The following GLT8D2 variants were observed in gnomAD, a reference collection of about 807,000 sequenced individuals.
GLT8D2 encodes glycosyltransferase 8 domain containing 2.
Under a neutral mutation model 44.5 loss-of-function variants are expected in GLT8D2, and 45 were observed. That is an observed-to-expected ratio of 1.01 (90% confidence interval 0.80 to 1.30). GLT8D2 has a LOEUF of 1.30. GLT8D2 is among the 50% of genes most tolerant of loss of function. The probability of loss-of-function intolerance (pLI) is 0.00; values close to 1 mark genes in which losing one functional copy is unlikely to be tolerated. For synonymous variants in GLT8D2, 156 were observed against 157.2 expected, an observed-to-expected ratio of 0.99 and a Z score of 0.06; for missense variants, 400 against 430.4, an observed-to-expected ratio of 0.93 and a Z score of 0.62.
rs1566202395 is a variant in GLT8D2, at chr12:104,021,930, GAAGAAGAAGAAGAA to G, written c.-163-453_-163-440del. 6.3e-3 allele frequency among the ~76,000 whole-genome samples: 156 copies of G among 24,714 alleles called. 7 individuals carry two copies. Among genetic ancestry groups the G allele is most frequent in the East Asian group, 0.027 (15 of 548 alleles). 16.2% of individuals were successfully genotyped at this position (24,714 alleles called of 152,430 possible). On this transcript the variant is annotated intron_variant, in intron 1 of 10. Coordinates refer to ENST00000360814, the MANE Select transcript of GLT8D2 (RefSeq NM_001384711.1). ...AGAAGAAGAAGAAGAAGAAGAAGAAGAAGAAGAAGAAGAAGAAGAAGAAGAGGAAGAAGAGGAAG... is the reference window on the plus strand; with the variant it reads ...AGAAGAAGAAGAAGAAGAAGAAGAAGGAAGAAGAAGAGGAAGAAGAGGAAG...
At chr12:104,009,631 G>A (rs1875552421) in intron 4 of GLT8D2, among the ~76,000 whole-genome samples, 1 of 152,142 alleles carries the variant, frequency 6.6e-6, no homozygotes, top group East Asian at 1.9e-4. Context: ...GATTTGGAGG[G>A]ACCAGGGGCA....
At chr12:104,036,138 C>T (rs772550773) in intron 1 of GLT8D2, among the ~76,000 whole-genome samples, 16 of 152,168 alleles carry the variant, frequency 1.1e-4, no homozygotes, top group Non-Finnish European at 1.6e-4. Flanking sequence ...CCAGGCTTGC[C>T]TTACAAGAGC....
At chr12:104,053,155 T>C (rs942450576), upstream of GLT8D2, among the ~76,000 whole-genome samples, 3 of 152,230 alleles carry the variant, frequency 2.0e-5, no homozygotes, top group Non-Finnish European at 4.4e-5. Context: ...GACAGCAGCC[T>C]GAGCTGACAC....
chr12:103,994,613 T>C (rs1873184592), intron 8 of GLT8D2, 112 bp from the exon 9 acceptor site: 1 of 878,672 alleles, frequency 1.1e-6, no homozygotes, highest in Admixed American at 2.7e-5. Context: ...CCTGTGTCAC[T>C]GGCCACTGGG....
chr12:104,035,843 G>A (rs1199040932), intron 1 of GLT8D2, among the ~76,000 whole-genome samples: 4 of 152,080 alleles, frequency 2.6e-5, no homozygotes, highest in African/African-American at 9.7e-5. Flanking sequence ...TCCTCGAGAG[G>A]AGCAACCCCA....
intron 3 of GLT8D2, among the ~76,000 whole-genome samples, chr12:104,016,780 AAGG>A (rs1346571091): frequency 2.6e-4 from 29 of 112,776 alleles, no homozygotes; most frequent in East Asian, 1.3e-3. Context: ...AGAAAGAAGG[AAGG>A]AAGGAAGGAA....
At chr12:104,015,756 C>A (rs1218019464) in intron 3 of GLT8D2, among the ~76,000 whole-genome samples, 1 of 151,964 alleles carries the variant, frequency 6.6e-6, no homozygotes, top group Non-Finnish European at 1.5e-5. Flanking sequence ...AATCCCAGCA[C>A]TTTGGGAGGC....
chr12:104,026,923 A>T (rs1878652357), intron 1 of GLT8D2, among the ~76,000 whole-genome samples: 1 of 152,252 alleles, frequency 6.6e-6, no homozygotes, highest in Non-Finnish European at 1.5e-5. Flanking sequence ...CAAACCAGGA[A>T]TAATAACCTT....
chr12:103,995,929 C>T (rs542426021), intron 8 of GLT8D2, among the ~76,000 whole-genome samples: 9 of 152,130 alleles, frequency 5.9e-5, no homozygotes, highest in Non-Finnish European at 7.4e-5. Flanking sequence ...TTAATTCTCA[C>T]GATAACTACA....
At chr12:104,037,838 G>C (rs1269707512) in intron 1 of GLT8D2, among the ~76,000 whole-genome samples, 1 of 152,008 alleles carries the variant, frequency 6.6e-6, no homozygotes, top group Non-Finnish European at 1.5e-5. Context: ...CAGAGACACA[G>C]CACAAAAAGA....
intron 1 of GLT8D2, among the ~76,000 whole-genome samples, chr12:104,026,888 A>T (rs1047749254): frequency 1.3e-5 from 2 of 152,230 alleles, no homozygotes; most frequent in African/African-American, 4.8e-5. Context: ...TCTGAACTTG[A>T]CATTTGACGG....
chr12:104,045,923 G>GAA (rs1449114299), intron 1 of GLT8D2, among the ~76,000 whole-genome samples: 12 of 145,612 alleles, frequency 8.2e-5, no homozygotes, highest in East Asian at 2.0e-4. Flanking sequence ...AAGAAAGAAA[G>GAA]AAAGAAAGAA....
chr12:104,039,393 C>T (rs1429726312), intron 1 of GLT8D2, among the ~76,000 whole-genome samples: 3 of 152,020 alleles, frequency 2.0e-5, no homozygotes, highest in African/African-American at 2.4e-5. Flanking sequence ...TGCAATCTAC[C>T]CATCTGACAA....
chr12:104,057,944 T>C (rs1435543823), intron 1 of GLT8D2, among the ~76,000 whole-genome samples: 1 of 152,180 alleles, frequency 6.6e-6, no homozygotes, highest in Non-Finnish European at 1.5e-5. Flanking sequence ...GATATCCCAG[T>C]AGTTTGGGAA....
At chr12:104,039,242 C>T (rs192575604) in intron 1 of GLT8D2, among the ~76,000 whole-genome samples, 30 of 152,206 alleles carry the variant, frequency 2.0e-4, no homozygotes, top group African/African-American at 6.7e-4. Context: ...TGGGCAAGGA[C>T]TTCATGTCTG....
chr12:104,032,840 T>A (rs1879469325), intron 1 of GLT8D2, among the ~76,000 whole-genome samples: 1 of 107,508 alleles, frequency 9.3e-6, no homozygotes, highest in South Asian at 2.9e-4. Context: ...AAAATCAGTA[T>A]CAAAGCTAGA....
At chr12:104,035,074 C>T (rs1008682283) in intron 1 of GLT8D2, among the ~76,000 whole-genome samples, 5 of 152,210 alleles carry the variant, frequency 3.3e-5, no homozygotes, top group African/African-American at 1.2e-4. Context: ...AGCTAAGGGA[C>T]CTGACTGTTA....
intron 8 of GLT8D2, 87 bp from the exon 9 acceptor site, chr12:103,994,588 A>G (rs1873183120): frequency 8.0e-7 from 1 of 1,255,212 alleles, no homozygotes; most frequent in South Asian, 1.6e-5. Flanking sequence ...CTTGTGCAGT[A>G]TCTTTGGGTT....
intron 1 of GLT8D2, among the ~76,000 whole-genome samples, chr12:104,057,589 G>C (rs1394014183): frequency 6.6e-6 from 1 of 151,072 alleles, no homozygotes; most frequent in Non-Finnish European, 1.5e-5. Context: ...AGAAATATTA[G>C]GTTTACAATT....
Sources: gnomAD v4.1 joint callset for allele counts (sites outside exome capture counted in the v4.1 genomes callset) on GRCh38, gnomAD v4.1.1 for gene constraint, MANE v1.5 for transcripts, NCBI Gene and HGNC (gene_info 2026-07-23, HGNC 2026-07-21) for gene names.